Variants in APBB1IP observed in about 807,000 individuals in gnomAD.
APBB1IP encodes the protein amyloid beta precursor protein binding family B member 1 interacting protein.
APBB1IP carries 27 observed loss-of-function variants against 64.9 expected under a neutral mutation model. The ratio of observed to expected loss-of-function variants is 0.42; its 90% CI spans 0.31 to 0.57. The LOEUF (loss-of-function observed/expected upper bound fraction) is 0.57. Among genes scored for constraint, APBB1IP ranks in the 20% least tolerant of loss-of-function variants. APBB1IP has a pLI of 0.20. For synonymous variants in APBB1IP, 392 were observed against 331.0 expected (o/e 1.18, Z -2.00); for missense variants, 812 against 845.5 (o/e 0.96, Z 0.49).
chr10:26,488,677 T>C (rs990574228), intron 2 of APBB1IP, among the ~76,000 whole-genome samples: 3 of 152,210 alleles, frequency 2.0e-5, no homozygotes, highest in African/African-American at 7.2e-5. Flanking sequence ...CTTCCTCTCT[T>C]CTAGGTGCCA....
rs376783860 is a variant in APBB1IP, at chr10:26,560,213, C to T, written c.1254+10C>T. On this transcript the variant is annotated intron_variant, in intron 12 of 14. Coordinates refer to ENST00000376236, the MANE Select transcript of APBB1IP (RefSeq NM_019043.4). ...AATACGGATAGCCAAGGTGAGAGAG[C>T]GTTCGGACTTCACCCTGTCTTGAAC... 1.7e-5 allele frequency: 27 copies of T among 1,611,242 alleles called. No homozygotes were observed. In the African/African-American group the frequency reaches 2.8e-4, roughly 17 times the overall value.
chr10:26,525,541 A>G (rs1318098915), intron 8 of APBB1IP, among the ~76,000 whole-genome samples: 9 of 152,102 alleles, frequency 5.9e-5, no homozygotes, highest in Admixed American at 5.9e-4. Flanking sequence ...CTTTTGGGAA[A>G]GTGGGCCGGG....
At position 26,495,723 on chromosome 10, in the gene APBB1IP, T is replaced by A. The variant is rs12763896; in HGVS notation, c.73-581T>A. ...CTTTGTTGTGGCCAAGTGGATGTAC[T>A]CATAGGTTTGCTTGGCTAAACAGCC... is the stretch of plus-strand genomic sequence containing the variant. On this transcript the variant is annotated intron_variant, in intron 3 of 14. Transcript: ENST00000376236. Among the ~76,000 whole-genome samples the A allele has an allele frequency of 2.9e-3, 441 of 151,302 alleles. 1 individual carries two copies. Among genetic ancestry groups the A allele is most frequent in the Non-Finnish European group, 4.4e-3 (302 of 67,898 alleles).
chr10:26,502,868 C>T (rs149680034), intron 5 of APBB1IP, among the ~76,000 whole-genome samples: 212 of 152,282 alleles, frequency 1.4e-3, no homozygotes, highest in African/African-American at 4.9e-3. Flanking sequence ...ATACGAACCA[C>T]TGTTAAAGTC....
At chr10:26,520,018 T>A (rs1370511892) in intron 8 of APBB1IP, among the ~76,000 whole-genome samples, 1 of 152,228 alleles carries the variant, frequency 6.6e-6, no homozygotes, top group Admixed American at 6.5e-5. Flanking sequence ...GCACAGTGGC[T>A]CGTGCCTGTA....
chr10:26,512,643 A>G (rs1297749773), intron 7 of APBB1IP, among the ~76,000 whole-genome samples: 2 of 152,104 alleles, frequency 1.3e-5, no homozygotes, highest in Non-Finnish European at 1.5e-5. Flanking sequence ...GTCTTGCTCT[A>G]TCACCGAAGC....
rs144779139 is a variant in APBB1IP at position 26,443,113 on chromosome 10, G to T, written c.-1+4260G>T. Among the ~76,000 whole-genome samples the T allele has an allele frequency of 2.6e-5, 4 of 152,272 alleles. No homozygotes were observed. In the East Asian group the frequency reaches 7.7e-4, roughly 29 times the overall value. On this transcript the variant is annotated intron_variant, in intron 2 of 14. Coordinates refer to ENST00000376236, the MANE Select transcript of APBB1IP (RefSeq NM_019043.4). ...CCAAGAATCATCAGTAAAGAACTAT[G>T]AGTTTTAAGTGGAATAAAGAATATG...
chr10:26,554,455 C>G (rs1413662782), intron 11 of APBB1IP, among the ~76,000 whole-genome samples: 1 of 152,238 alleles, frequency 6.6e-6, no homozygotes, highest in Non-Finnish European at 1.5e-5. Flanking sequence ...GCTGCGTGTG[C>G]CAATCTCTGC....
At chr10:26,444,459 A>C (rs188502138) in intron 2 of APBB1IP, among the ~76,000 whole-genome samples, 44 of 152,276 alleles carry the variant, frequency 2.9e-4, no homozygotes, top group African/African-American at 1.0e-3. Flanking sequence ...CCCATGACAA[A>C]GCGTTGGATT....
At chr10:26,439,640 C>A (rs1002649309) in intron 2 of APBB1IP, among the ~76,000 whole-genome samples, 2 of 118,274 alleles carry the variant, frequency 1.7e-5, no homozygotes, top group African/African-American at 5.7e-5. Context: ...CCCTGTGGAA[C>A]GTGAAATGTG....
At chr10:26,549,753 A>G (rs1442411241) in intron 11 of APBB1IP, among the ~76,000 whole-genome samples, 2 of 151,860 alleles carry the variant, frequency 1.3e-5, no homozygotes, top group East Asian at 1.9e-4. Context: ...TTTTCAAAAA[A>G]CTTACTCTTT....
chr10:26,552,917 C>T (rs1319438088), intron 11 of APBB1IP, among the ~76,000 whole-genome samples: 1 of 152,158 alleles, frequency 6.6e-6, no homozygotes, highest in Non-Finnish European at 1.5e-5. Context: ...CTAACTCACT[C>T]CCCTCAGTGG....
intron 2 of APBB1IP, among the ~76,000 whole-genome samples, chr10:26,445,499 T>A (rs1027509879): frequency 2.6e-5 from 4 of 152,168 alleles, no homozygotes; most frequent in African/African-American, 9.7e-5. Context: ...ATCCTCCCGC[T>A]TCGGCCTCCT....
intron 12 of APBB1IP, 138 bp downstream of exon 12, chr10:26,560,341 G>C: frequency 1.3e-6 from 1 of 752,344 alleles, no homozygotes; most frequent in Non-Finnish European, 2.2e-6. Flanking sequence ...TATTCGCCCA[G>C]TGGGTTTTCT....
At chr10:26,486,138 T>G (rs968284216) in intron 2 of APBB1IP, among the ~76,000 whole-genome samples, 1 of 152,038 alleles carries the variant, frequency 6.6e-6, no homozygotes, top group Non-Finnish European at 1.5e-5. Flanking sequence ...TGGGACAAAT[T>G]AGGAAGGACT....
At chr10:26,471,271 A>T (rs549200702) in intron 2 of APBB1IP, among the ~76,000 whole-genome samples, 18 of 152,310 alleles carry the variant, frequency 1.2e-4, no homozygotes, top group African/African-American at 3.8e-4. Flanking sequence ...CACAAGAGAT[A>T]CGTGCACAAA....
At chr10:26,478,754 G>C (rs1304605924) in intron 2 of APBB1IP, among the ~76,000 whole-genome samples, 8 of 152,050 alleles carry the variant, frequency 5.3e-5, no homozygotes, top group African/African-American at 1.9e-4. Context: ...AATGAGGTCA[G>C]GAAGGATGAG....
chr10:26,457,202 CTG>C (rs1208255038), intron 2 of APBB1IP, among the ~76,000 whole-genome samples: 1 of 152,214 alleles, frequency 6.6e-6, no homozygotes, highest in Non-Finnish European at 1.5e-5. Context: ...GTCAGCCCAC[CTG>C]TGTTTCTTCT....
chr10:26,449,461 G>C (rs1040024557), intron 2 of APBB1IP, among the ~76,000 whole-genome samples: 1 of 152,108 alleles, frequency 6.6e-6, no homozygotes, highest in African/African-American at 2.4e-5. Flanking sequence ...ATATGCACCA[G>C]GCATTATAAT....
Sources: allele counts gnomAD v4.1 joint callset (sites outside exome capture counted in the v4.1 genomes callset), GRCh38; gene constraint gnomAD v4.1.1; transcripts MANE v1.5; gene names NCBI Gene and HGNC (gene_info 2026-07-23, HGNC 2026-07-21).